The following ZFPM2 variants were observed in gnomAD, a reference collection of about 807,000 sequenced individuals.
The protein encoded by ZFPM2 is zinc finger protein ZFPM2.
In ZFPM2, 20 loss-of-function variants were observed where a neutral mutation model predicts 98.6. The observed-to-expected ratio is 0.20, with a 90% CI of 0.14 to 0.29. The LOEUF (loss-of-function observed/expected upper bound fraction) is 0.29. Ranked by LOEUF, ZFPM2 falls within the 10% of genes least tolerant of loss-of-function variation. The pLI, the probability that ZFPM2 is intolerant of heterozygous loss-of-function variation, is 1.00. For missense variants in ZFPM2, 1,310 were observed against 1,388.6 expected, an observed-to-expected ratio of 0.94 and a Z score of 0.90; for synonymous variants, 518 against 502.7, an observed-to-expected ratio of 1.03 and a Z score of -0.41.
Position 105,803,841 on chromosome 8 carries a change from A to G in ZFPM2, c.*303A>G, listed in dbSNP as rs1814124158. 2 of 315,078 alleles carry G rather than the reference A, an allele frequency of 6.3e-6. No individual in the cohort carries two copies. The highest frequency in any genetic ancestry group is 7.9e-5 in the South Asian group (2 of 25,186). The allele number at this position is 315,078 out of a possible 1,614,324, so 19.5% of individuals were successfully genotyped here. A position where few individuals can be genotyped will look rare whatever the true frequency, so the allele number is the denominator to read the frequency against. ...TTATTGTATAGTTATTGTGTAGCAC[A>G]TATGGTTTGCACTGTATAGTAGCTT... is the stretch of plus-strand genomic sequence containing the variant. On this transcript the variant is annotated 3_prime_UTR_variant, in exon 8 of 8. Transcript: ENST00000407775.
intron 1 of ZFPM2, among the ~76,000 whole-genome samples, chr8:105,325,581 G>A (rs1224840045): frequency 6.6e-6 from 1 of 151,738 alleles, no homozygotes; most frequent in Non-Finnish European, 1.5e-5. Flanking sequence ...TTCATCTCTT[G>A]GGTCAAAGAA....
chr8:105,693,682 T>C (rs1363506642), intron 5 of ZFPM2, among the ~76,000 whole-genome samples: 1 of 152,202 alleles, frequency 6.6e-6, no homozygotes, highest in Non-Finnish European at 1.5e-5. Flanking sequence ...TATGGACAGC[T>C]GTAACATGTG....
At chr8:105,434,895 G>C (rs11993312) in intron 2 of ZFPM2, among the ~76,000 whole-genome samples, 170 of 152,298 alleles carry the variant, frequency 1.1e-3, no homozygotes, top group African/African-American at 4.0e-3. Context: ...CTGAAAAAGT[G>C]ACTGTCTCGG....
chr8:105,424,732 C>A (rs1242782854), intron 2 of ZFPM2, among the ~76,000 whole-genome samples: 1 of 152,190 alleles, frequency 6.6e-6, no homozygotes, highest in Admixed American at 6.5e-5. Context: ...CTCCTGTTCA[C>A]TAGGTCAAAT....
intron 3 of ZFPM2, among the ~76,000 whole-genome samples, chr8:105,548,144 G>A (rs1041160281): frequency 3.2e-4 from 48 of 151,858 alleles, no homozygotes; most frequent in South Asian, 8.3e-4. Flanking sequence ...AGGAATAAAT[G>A]GTGAAAAGAA....
At chr8:105,690,268 T>C (rs1810845981) in intron 5 of ZFPM2, among the ~76,000 whole-genome samples, 1 of 152,204 alleles carries the variant, frequency 6.6e-6, no homozygotes, top group African/African-American at 2.4e-5. Flanking sequence ...TATAGAATCA[T>C]TTGATTGATG....
intron 5 of ZFPM2, among the ~76,000 whole-genome samples, chr8:105,768,705 A>G (rs1812913102): frequency 6.6e-6 from 1 of 151,982 alleles, no homozygotes; most frequent in South Asian, 2.1e-4. Flanking sequence ...CTTTATTACA[A>G]TGGATATAAT....
intron 4 of ZFPM2, chr8:105,616,798 A>G: frequency 4.4e-6 from 1 of 225,518 alleles, no homozygotes; most frequent in Non-Finnish European, 8.9e-6. Flanking sequence ...CGGGTGGATC[A>G]CCTAGGACCA....
chr8:105,528,835 A>G (rs1192206136), intron 3 of ZFPM2: 1 of 152,178 alleles, frequency 6.6e-6, no homozygotes, highest in Non-Finnish European at 1.5e-5. Flanking sequence ...AATACATACC[A>G]TGATATTCAG....
intron 2 of ZFPM2, among the ~76,000 whole-genome samples, chr8:105,438,689 C>T (rs1375301549): frequency 1.3e-5 from 2 of 152,060 alleles, no homozygotes; most frequent in South Asian, 4.1e-4. Context: ...TCAAAAGACC[C>T]GAAGTCTGAT....
At chr8:105,684,122 T>C (rs1810678908) in intron 5 of ZFPM2, among the ~76,000 whole-genome samples, 1 of 152,142 alleles carries the variant, frequency 6.6e-6, no homozygotes, top group African/African-American at 2.4e-5. Context: ...CAGGGAAGTA[T>C]ATTACGGCTT....
At chr8:105,376,311 A>G (rs951026119) in intron 1 of ZFPM2, among the ~76,000 whole-genome samples, 1 of 152,110 alleles carries the variant, frequency 6.6e-6, no homozygotes, top group Non-Finnish European at 1.5e-5. Context: ...CCTCTGCTCA[A>G]TATCTAGACA....
intron 5 of ZFPM2, among the ~76,000 whole-genome samples, chr8:105,704,126 TC>T (rs1811204809): frequency 6.6e-6 from 1 of 152,072 alleles, no homozygotes; most frequent in African/African-American, 2.4e-5. Flanking sequence ...TCTCTCTCTC[TC>T]TCTCTCAACA....
rs1342041346 is a variant in ZFPM2 at position 105,318,822 on chromosome 8, C to T, written c.-120C>T. 6.9e-5 allele frequency: 34 copies of T among 492,062 alleles called. No individual in the cohort carries two copies. The highest frequency in any genetic ancestry group is 8.7e-5 in the Non-Finnish European group (33 of 381,260). The allele number at this position is 492,062 out of a possible 1,614,324, so 30.5% of individuals were successfully genotyped here. ...AGCGCCCGGAGCACCTGGAGTCCGG[C>T]CGGCGGCGGGCCGAGCCTGGCCAGC... On this transcript the variant is annotated 5_prime_UTR_variant, in exon 1 of 8. Coordinates refer to ENST00000407775, the MANE Select transcript of ZFPM2 (RefSeq NM_012082.4).
At chr8:105,395,085 T>C (rs1360275387) in intron 1 of ZFPM2, among the ~76,000 whole-genome samples, 2 of 152,274 alleles carry the variant, frequency 1.3e-5, no homozygotes, top group Non-Finnish European at 2.9e-5. Context: ...TCCAGGCTAT[T>C]ACAGCCCCTA....
At chr8:105,739,126 G>C (rs1310086963) in intron 5 of ZFPM2, among the ~76,000 whole-genome samples, 1 of 152,018 alleles carries the variant, frequency 6.6e-6, no homozygotes, top group Non-Finnish European at 1.5e-5. Flanking sequence ...GACTACCTCA[G>C]TAACCCTTGA....
At chr8:105,700,480 G>T (rs1456980456) in intron 5 of ZFPM2, among the ~76,000 whole-genome samples, 1 of 152,110 alleles carries the variant, frequency 6.6e-6, no homozygotes, top group Non-Finnish European at 1.5e-5. Context: ...CTTGTGACTT[G>T]TATTAAAGCT....
At chr8:105,780,302 T>A (rs1320490989) in intron 5 of ZFPM2, 1 of 152,232 alleles carries the variant, frequency 6.6e-6, no homozygotes, top group Non-Finnish European at 1.5e-5. Flanking sequence ...TTCATGCCCA[T>A]GCAAGAGGAA....
At chr8:105,698,997 G>A (rs17220020) in intron 5 of ZFPM2, among the ~76,000 whole-genome samples, 19,337 of 152,054 alleles carry the variant, frequency 0.13, 1,519 homozygotes, top group South Asian at 0.29. Flanking sequence ...CTAAGCCAAC[G>A]AATTTTAGAA....
Sources: gnomAD v4.1 joint callset for allele counts (sites outside exome capture counted in the v4.1 genomes callset) on GRCh38, gnomAD v4.1.1 for gene constraint, MANE v1.5 for transcripts, NCBI Gene and HGNC (gene_info 2026-07-23, HGNC 2026-07-21) for gene names.